Variants in ASTN2 observed in about 807,000 individuals in gnomAD.
ASTN2 encodes astrotactin 2.
Under a neutral mutation model 139.8 loss-of-function variants are expected in ASTN2, and 54 were observed. That is an observed-to-expected ratio of 0.39 (90% CI 0.31 to 0.48). ASTN2 has a LOEUF of 0.48. Ranked by LOEUF, ASTN2 falls within the 20% of genes least tolerant of loss-of-function variation. The pLI, the probability that ASTN2 is intolerant of heterozygous loss-of-function variation, is 0.95. For synonymous variants in ASTN2, 756 were observed against 719.5 expected (o/e 1.05, Z -0.81); for missense variants, 1,565 against 1,725.1 (o/e 0.91, Z 1.64).
chr9:116,561,671 C>A (rs1852920435), intron 19 of ASTN2, among the ~76,000 whole-genome samples: 1 of 152,198 alleles, frequency 6.6e-6, no homozygotes, highest in South Asian at 2.1e-4. Context: ...CCCACAGCCC[C>A]AGGGAGCAAA....
At chr9:116,462,134 A>G (rs964775361) in intron 20 of ASTN2, among the ~76,000 whole-genome samples, 2 of 151,916 alleles carry the variant, frequency 1.3e-5, no homozygotes, top group African/African-American at 2.4e-5. Flanking sequence ...TCTAAAGACC[A>G]CTCTCTTTCT....
intron 10 of ASTN2, among the ~76,000 whole-genome samples, chr9:116,942,005 A>T (rs1310113496): frequency 1.4e-5 from 2 of 147,806 alleles, no homozygotes; most frequent in Non-Finnish European, 3.0e-5. Flanking sequence ...AAAAAAAAAA[A>T]GTCCCTTCAA....
chr9:117,101,905 G>A lies in ASTN2; in HGVS notation c.1169-5754C>T, dbSNP rs559094094. On this transcript the variant is annotated intron_variant, in intron 4 of 22. Transcript: ENST00000313400. ...CAGATGTTGGTGAGGTTGTGGAGAC[G>A]TTGGAACCCTCATACATTGCTGCTG... Among the ~76,000 whole-genome samples the A allele has an allele frequency of 3.9e-4, 59 of 152,302 alleles. No homozygotes were observed. The South Asian group carries it at 0.011, about 29-fold the overall frequency.
chr9:116,689,926 A>G (rs2132048111), intron 16 of ASTN2, among the ~76,000 whole-genome samples: 1 of 152,280 alleles, frequency 6.6e-6, no homozygotes, highest in African/African-American at 2.4e-5. Context: ...TCATACTCTG[A>G]AGGAGAGTAA....
chr9:117,112,749 A>T (rs186294663), intron 4 of ASTN2, among the ~76,000 whole-genome samples: 218 of 152,272 alleles, frequency 1.4e-3, no homozygotes, highest in African/African-American at 4.7e-3. Flanking sequence ...AAAGAAAAAA[A>T]TTGAGAAACT....
At chr9:117,324,459 AGT>A (rs1828446964) in intron 1 of ASTN2, among the ~76,000 whole-genome samples, 1 of 152,182 alleles carries the variant, frequency 6.6e-6, no homozygotes, top group Non-Finnish European at 1.5e-5. Context: ...GAGAGAGAAG[AGT>A]GAGTGAAAGA....
chr9:116,553,098 TCTC>T (rs1168434955), intron 19 of ASTN2, among the ~76,000 whole-genome samples: 2 of 152,016 alleles, frequency 1.3e-5, no homozygotes, highest in Non-Finnish European at 2.9e-5. Context: ...TTAGGCAAAA[TCTC>T]CTCCTTAAGA....
rs1025979544 is a variant in ASTN2 at position 117,019,555 on chromosome 9, C to A, written c.1424-11296G>T. 4.6e-5 allele frequency among the ~76,000 whole-genome samples: 7 copies of A among 152,172 alleles called. No homozygotes were observed. In the East Asian group the frequency reaches 1.2e-3, roughly 25 times the overall value. ...CCAGCCTTTCACCAGCCAAGTCCTA[C>A]TATGAATTCTGGGAAAGGTAAGGAG... On this transcript the variant is annotated intron_variant, in intron 6 of 22. Transcript: ENST00000313400.
chr9:117,352,669 G>A (rs1407135417), intron 1 of ASTN2, among the ~76,000 whole-genome samples: 1 of 152,082 alleles, frequency 6.6e-6, no homozygotes, highest in Non-Finnish European at 1.5e-5. Context: ...TAGAATTTAA[G>A]GATTAAGATA....
chr9:116,908,854 G>A (rs1490704897), intron 10 of ASTN2, among the ~76,000 whole-genome samples: 2 of 152,196 alleles, frequency 1.3e-5, no homozygotes, highest in Admixed American at 1.3e-4. Flanking sequence ...GTAGATTCAG[G>A]AGACCTGGGT....
At chr9:116,484,963 C>T (rs918418778) in intron 20 of ASTN2, among the ~76,000 whole-genome samples, 1 of 152,214 alleles carries the variant, frequency 6.6e-6, no homozygotes, top group African/African-American at 2.4e-5. Flanking sequence ...CAGCTGACAT[C>T]AAGCCCCTAC....
intron 1 of ASTN2, among the ~76,000 whole-genome samples, chr9:117,341,823 G>T (rs1829068572): frequency 6.6e-6 from 1 of 152,138 alleles, no homozygotes; most frequent in South Asian, 2.1e-4. Flanking sequence ...GGAAAATCCT[G>T]CCTTGTTTCT....
chr9:117,347,700 A>C (rs760234263), intron 1 of ASTN2, among the ~76,000 whole-genome samples: 3 of 152,180 alleles, frequency 2.0e-5, no homozygotes, highest in Non-Finnish European at 4.4e-5. Context: ...TAAAAATGAG[A>C]ATGTGGTGGC....
chr9:116,914,344 G>T (rs1042827174), intron 10 of ASTN2, among the ~76,000 whole-genome samples: 1 of 152,016 alleles, frequency 6.6e-6, no homozygotes, highest in Admixed American at 6.6e-5. Flanking sequence ...GGTCTAAATA[G>T]AACTTCAGTG....
chr9:116,944,019 A>C (rs182013349), intron 10 of ASTN2, among the ~76,000 whole-genome samples: 3 of 151,976 alleles, frequency 2.0e-5, no homozygotes, highest in African/African-American at 4.8e-5. Flanking sequence ...ATAATAGCCA[A>C]CATTAATGTA....
chr9:117,091,005 C>G (rs1423425580), intron 5 of ASTN2, among the ~76,000 whole-genome samples: 1 of 152,194 alleles, frequency 6.6e-6, no homozygotes, highest in Non-Finnish European at 1.5e-5. Context: ...AGAACCCAGG[C>G]AGAGTGTGCT....
chr9:116,609,343 C>T (rs1031832348), intron 19 of ASTN2, among the ~76,000 whole-genome samples: 10 of 132,670 alleles, frequency 7.5e-5, no homozygotes, highest in South Asian at 2.8e-4. Context: ...TATATATACA[C>T]ACACACACAT....
intron 1 of ASTN2, among the ~76,000 whole-genome samples, chr9:117,352,602 G>A (rs1056512358): frequency 4.4e-4 from 67 of 152,208 alleles, no homozygotes; most frequent in African/African-American, 1.6e-3. Context: ...TACTGAACTG[G>A]GAAAGCCATC....
At chr9:116,618,537 CG>C in intron 18 of ASTN2, 65 bp from the exon 19 acceptor site, 1 of 1,518,276 alleles carries the variant, frequency 6.6e-7, no homozygotes, top group Non-Finnish European at 8.8e-7. Flanking sequence ...CAAAAGAATC[CG>C]CATGTGTCAA....
Sources: allele counts gnomAD v4.1 joint callset (sites outside exome capture counted in the v4.1 genomes callset), GRCh38; gene constraint gnomAD v4.1.1; transcripts MANE v1.5; gene names NCBI Gene and HGNC (gene_info 2026-07-23, HGNC 2026-07-21).